The following ANKDD1A variants were observed in gnomAD, a reference collection of about 807,000 sequenced individuals.
The protein encoded by ANKDD1A is ankyrin repeat and death domain-containing protein 1A.
ANKDD1A carries 59 observed loss-of-function variants against 63.5 expected under a neutral mutation model. The observed-to-expected ratio is 0.93, with a 90% CI of 0.75 to 1.15. ANKDD1A has a LOEUF of 1.15. ANKDD1A is among the 50% of genes most tolerant of loss of function. ANKDD1A has a pLI of 0.00. For synonymous variants in ANKDD1A, 266 were observed against 263.9 expected (o/e 1.01, Z -0.08); for missense variants, 632 against 656.4 (o/e 0.96, Z 0.41).
chr15:64,930,019 T>A (rs1374640504), intron 6 of ANKDD1A, among the ~76,000 whole-genome samples: 1 of 152,056 alleles, frequency 6.6e-6, no homozygotes, highest in East Asian at 1.9e-4. Flanking sequence ...CTGCATGGTC[T>A]CCCTCATAAG....
intron 8 of ANKDD1A, chr15:64,931,932 C>T (rs113838119): frequency 1.0e-4 from 40 of 392,564 alleles, no homozygotes; most frequent in Middle Eastern, 6.7e-4. Context: ...CTTACTCTGT[C>T]GCCCAGGCTG....
chr15:64,923,136 A>C (rs544210598), intron 4 of ANKDD1A, among the ~76,000 whole-genome samples: 2 of 152,196 alleles, frequency 1.3e-5, no homozygotes, highest in South Asian at 4.1e-4. Flanking sequence ...AATCCCTAGA[A>C]CCTCTGAACC....
intron 14 of ANKDD1A, chr15:64,950,694 G>A (rs1041209902): frequency 4.2e-6 from 4 of 950,368 alleles, no homozygotes; most frequent in Non-Finnish European, 5.0e-6. Context: ...TGAGGGAAAT[G>A]TTTCTAGCAT....
intron 9 of ANKDD1A, 134 bp from the exon 10 acceptor site, chr15:64,942,333 C>A: frequency 1.8e-6 from 1 of 560,480 alleles, no homozygotes; most frequent in Non-Finnish European, 3.0e-6. Context: ...TAAGGCCACC[C>A]ATGTCATCCA....
chr15:64,953,538 CCTT>C (rs1375610171), intron 14 of ANKDD1A, among the ~76,000 whole-genome samples: 181 of 124,692 alleles, frequency 1.5e-3, no homozygotes, highest in African/African-American at 4.9e-3. Context: ...CTTCTCCTCT[CCTT>C]CTTCCTTCTC....
chr15:64,917,479 G>A lies in ANKDD1A; in HGVS notation c.232G>A (p.Asp78Asn), dbSNP rs1031355281. Residue 78 changes from aspartate (D) to asparagine (N), a missense_variant, in exon 3 of 15, where the codon GAT becomes AAT. Transcript: ENST00000319580. The part of the protein sequence containing the change: ...LEHEAAVDEE[D>N]AVGALTEARL... ...GCACGAGGCTGCTGTGGACGAGGAGGATGCGGTAGGGGCCCTCACAGAGGC... is the reference window on the plus strand; with the variant it reads ...GCACGAGGCTGCTGTGGACGAGGAGAATGCGGTAGGGGCCCTCACAGAGGC... 6.3e-6 allele frequency: 10 copies of A among 1,596,222 alleles called. No homozygotes were observed. Among genetic ancestry groups the A allele is most frequent in the Non-Finnish European group, 8.5e-6 (10 of 1,171,832 alleles).
intron 5 of ANKDD1A, among the ~76,000 whole-genome samples, chr15:64,926,438 G>C: frequency 6.6e-6 from 1 of 152,146 alleles, no homozygotes; most frequent in Non-Finnish European, 1.5e-5. Flanking sequence ...TCCTGGAGGA[G>C]GTGGCATTTG....
At chr15:64,933,552 A>G (rs372184200) in intron 8 of ANKDD1A, among the ~76,000 whole-genome samples, 1 of 151,468 alleles carries the variant, frequency 6.6e-6, no homozygotes, top group East Asian at 1.9e-4. Context: ...CTCTTTAAAA[A>G]CCACCTCCTG....
At chr15:64,950,219 G>C in intron 14 of ANKDD1A, 1 of 985,386 alleles carries the variant, frequency 1.0e-6, no homozygotes, top group Non-Finnish European at 1.2e-6. Context: ...CAGCCCCGGA[G>C]CCAGTGATGC....
At chr15:64,951,317 T>TTTTCTTCTTC (rs1269737581) in intron 14 of ANKDD1A, 2 of 735,098 alleles carry the variant, frequency 2.7e-6, no homozygotes, top group Admixed American at 7.6e-4. Context: ...CTTCTTCTTC[T>TTTTCTTCTTC]TTCTTCTTTC....
At chr15:64,945,631 T>TATATATATATATATATA (rs1566913754) in intron 12 of ANKDD1A, among the ~76,000 whole-genome samples, 5 of 40,090 alleles carry the variant, frequency 1.2e-4, no homozygotes, top group Non-Finnish European at 1.7e-4. Flanking sequence ...TATATATATA[T>TATATATATATATATATA]GAACTTTTTT....
chr15:64,954,669 TCTCTTC>T (rs2085393954), intron 14 of ANKDD1A, among the ~76,000 whole-genome samples: 2 of 127,860 alleles, frequency 1.6e-5, no homozygotes, highest in South Asian at 6.0e-4. Context: ...TTTCTTCTTG[TCTCTTC>T]TTCTTCTCTC....
chr15:64,939,789 A>G (rs2085166091), intron 9 of ANKDD1A, among the ~76,000 whole-genome samples: 1 of 152,252 alleles, frequency 6.6e-6, no homozygotes, highest in Admixed American at 6.5e-5. Context: ...GCAACTGTAC[A>G]TCCACAGGCA....
chr15:64,915,054 C>T (rs2084958812), intron 1 of ANKDD1A, among the ~76,000 whole-genome samples: 1 of 152,186 alleles, frequency 6.6e-6, no homozygotes, highest in Non-Finnish European at 1.5e-5. Context: ...CCCGTAATCC[C>T]AGCACTTTGG....
chr15:64,925,677 C>G (rs1177659146), intron 4 of ANKDD1A, among the ~76,000 whole-genome samples: 2 of 152,212 alleles, frequency 1.3e-5, no homozygotes, highest in Non-Finnish European at 2.9e-5. Context: ...CCTCACCGTA[C>G]ATGTTTGAAT....
intron 7 of ANKDD1A, 51 bp from the exon 8 acceptor site, chr15:64,931,425 ATTGGGGGTCAC>A (rs932988724): frequency 1.7e-5 from 26 of 1,520,356 alleles, no homozygotes; most frequent in Non-Finnish European, 2.2e-5. Flanking sequence ...TCACCGTGGG[ATTGGGGGTCAC>A]TTGGGGGTGG....
intron 11 of ANKDD1A, among the ~76,000 whole-genome samples, chr15:64,943,962 A>G (rs1049342575): frequency 6.6e-6 from 1 of 152,220 alleles, no homozygotes; most frequent in Non-Finnish European, 1.5e-5. Context: ...CCAGCTCATT[A>G]GCACAGCTAC....
In ANKDD1A at chr15:64,949,860, G is replaced by A; in HGVS notation, c.1371G>A (p.Glu457=). ...QQWTGTRSYQ[E]HGHRMLLIWL... ...TCTCAGGCACCAGGAGCTATCAGGA[G>A]CACGGCCACCGAATGCTGCTCATTT... The change falls in exon 14 of 15, where the codon GAG becomes GAA. Residue 457 remains glutamate (E), a synonymous_variant. Transcript: ENST00000319580. 1 of 1,602,876 alleles carries A rather than the reference G, an allele frequency of 6.2e-7. No homozygotes were observed. The highest frequency in any genetic ancestry group is 8.5e-7 in the Non-Finnish European group (1 of 1,179,896).
Position 64,917,515 on chromosome 15 carries a change from G to T in ANKDD1A, c.267+1G>T. Reference sequence around the variant, plus strand: ...GGCCCTCACAGAGGCACGTCTGTGTGTACGTGTCTGTCTGTCTGTCTGTCT... The same window carrying T: ...GGCCCTCACAGAGGCACGTCTGTGTTTACGTGTCTGTCTGTCTGTCTGTCT... On this transcript the variant is annotated splice_donor_variant, in intron 3 of 14. Coordinates refer to ENST00000319580, the MANE Select transcript of ANKDD1A (RefSeq NM_182703.6). LOFTEE classifies it high-confidence loss of function. 2 of 1,545,292 alleles carry T rather than the reference G, an allele frequency of 1.3e-6. No homozygotes were observed. The highest frequency in any genetic ancestry group is 1.7e-6 in the Non-Finnish European group (2 of 1,145,984).
Sources: allele counts gnomAD v4.1 joint callset (sites outside exome capture counted in the v4.1 genomes callset), GRCh38; gene constraint gnomAD v4.1.1; transcripts MANE v1.5; gene names NCBI Gene and HGNC (gene_info 2026-07-23, HGNC 2026-07-21).